Variants in NUF2 observed in about 807,000 individuals in gnomAD.
The protein encoded by NUF2 is kinetochore protein Nuf2.
NUF2 carries 34 observed loss-of-function variants against 61.8 expected under a neutral mutation model. That is an observed-to-expected ratio of 0.55 (90% CI 0.42 to 0.73). NUF2 has a LOEUF of 0.73. NUF2 is among the 30% of genes least tolerant of loss of function. The pLI is 0.00. For missense variants in NUF2, 445 were observed against 539.1 expected (o/e 0.83, Z 1.73); for synonymous variants, 172 against 181.6 (o/e 0.95, Z 0.42).
intron 1 of NUF2, among the ~76,000 whole-genome samples, chr1:163,323,768 G>A (rs1650319299): frequency 1.3e-5 from 2 of 151,992 alleles, no homozygotes; most frequent in East Asian, 3.9e-4. Context: ...AGGAAAGCTT[G>A]CAATCATGAA....
At chr1:163,326,296 TGA>T in intron 2 of NUF2, 122 bp downstream of exon 2, 3 of 811,714 alleles carry the variant, frequency 3.7e-6, no homozygotes, top group Admixed American at 2.6e-5. Context: ...TCATTTTCAT[TGA>T]GAGAGAATCT....
At chr1:163,347,681 T>C in intron 11 of NUF2, 82 bp from the exon 12 acceptor site, 2 of 983,742 alleles carry the variant, frequency 2.0e-6, no homozygotes, top group East Asian at 2.9e-5. Context: ...TTAATTATAG[T>C]TCATCCTAGA....
Position 163,355,354 on chromosome 1 carries a change from A to G in NUF2, c.1280A>G (p.Lys427Arg), listed in dbSNP as rs778879857. 1 of 1,599,868 alleles carries G rather than the reference A, an allele frequency of 6.3e-7. No homozygotes were observed. The highest frequency in any genetic ancestry group is 8.5e-7 in the Non-Finnish European group (1 of 1,173,486). The change falls in exon 14 of 14, where the codon AAA becomes AGA. Residue 427 changes from lysine (K) to arginine (R), a missense_variant. Coordinates refer to ENST00000271452, the MANE Select transcript of NUF2 (RefSeq NM_145697.3). ...LKSQEIFLNL[K>R]TALEKYHDGI... ...ACTTAGGAAATATTTCTAAACTTGA[A>G]AACTGCTTTGGAGAAATACCACGAC...
At chr1:163,346,330 A>C (rs1234849164) in intron 11 of NUF2, 1 of 152,194 alleles carries the variant, frequency 6.6e-6, no homozygotes, top group Non-Finnish European at 1.5e-5. Flanking sequence ...TATTGTACTA[A>C]AATCAATAAG....
At chr1:163,323,516 C>T (rs1303600717) in intron 1 of NUF2, among the ~76,000 whole-genome samples, 1 of 152,074 alleles carries the variant, frequency 6.6e-6, no homozygotes, top group African/African-American at 2.4e-5. Context: ...CCCAGAAGTT[C>T]AAGACCAGAC....
chr1:163,328,724 T>A, intron 4 of NUF2, 122 bp from the exon 5 acceptor site: 1 of 650,138 alleles, frequency 1.5e-6, no homozygotes, highest in Non-Finnish European at 2.7e-6. Flanking sequence ...TCTGGCTTCG[T>A]CCACTGACCT....
Position 163,345,660 on chromosome 1 carries a change from G to C in NUF2, c.808-18G>C. 1 of 1,600,030 alleles carries C rather than the reference G, an allele frequency of 6.2e-7. No homozygotes were observed. Among genetic ancestry groups the C allele is most frequent in the African/African-American group, 1.3e-5 (1 of 74,096 alleles). On this transcript the variant is annotated intron_variant, in intron 10 of 13. Transcript: ENST00000271452. ...AGAAGAATATCAAACTGTGGTCTCT[G>C]TTTTTTGTCTTTCAAAGCAAGAAGT...
At chr1:163,334,595 G>T (rs1240416310) in intron 5 of NUF2, among the ~76,000 whole-genome samples, 2 of 152,080 alleles carry the variant, frequency 1.3e-5, no homozygotes, top group Non-Finnish European at 2.9e-5. Flanking sequence ...GGGCAATATA[G>T]CAAGATCCTT....
At position 163,343,851 on chromosome 1, in the gene NUF2, A is replaced by G. The variant is rs765023496; in HGVS notation, c.788A>G (p.Gln263Arg). 7.0e-7 allele frequency: 1 copy of G among 1,423,792 alleles called. No homozygotes were observed. The highest frequency in any genetic ancestry group is 9.2e-7 in the Non-Finnish European group (1 of 1,083,170). 88.2% of individuals were successfully genotyped at this position (1,423,792 alleles called of 1,614,324 possible). A position where few individuals can be genotyped will look rare whatever the true frequency, so the allele number is the denominator to read the frequency against. Residue 263 changes from glutamine (Q) to arginine (R), a missense_variant, in exon 10 of 14, where the codon CAG (glutamine) becomes CGG (arginine). Gln to Arg is a conservative substitution (Grantham distance 43). Coordinates refer to ENST00000271452, the MANE Select transcript of NUF2 (RefSeq NM_145697.3). The part of the protein sequence containing the change: ...NYKEKMKDTV[Q>R]KLKNARQEVV... Reference sequence around the variant, plus strand: ...AAAGAAAAAATGAAAGATACGGTCCAGAAGCTTAAAAATGCCAGAGTGAGT... The same window carrying G: ...AAAGAAAAAATGAAAGATACGGTCCGGAAGCTTAAAAATGCCAGAGTGAGT...
chr1:163,328,846 G>C lies in NUF2; in HGVS notation c.276G>C (p.Leu92=). 6.3e-7 allele frequency: 1 copy of C among 1,591,488 alleles called. No homozygotes were observed. Among genetic ancestry groups the C allele is most frequent in the Admixed American group, 1.7e-5 (1 of 59,640 alleles). ...AGTCTTTTTGTACTTCATCTTCAAG[G>C]GACTCATTTTTGCCTATCTGCCGGG... The part of the protein sequence containing the change: ...FLPFSNLVTH[L]DSFLPICRVN... Residue 92 remains leucine (L), a splice_region_variant and synonymous_variant, in exon 5 of 14, where the codon CTG becomes CTC. Coordinates refer to ENST00000271452, the MANE Select transcript of NUF2 (RefSeq NM_145697.3).
Position 163,355,708 on chromosome 1 carries a change from T to C in NUF2, c.*239T>C, listed in dbSNP as rs562731604. 1.7e-3 allele frequency: 446 copies of C among 260,728 alleles called. 1 individual carries two copies. Among genetic ancestry groups the C allele is most frequent in the Non-Finnish European group, 2.8e-3 (380 of 137,616 alleles). The allele number at this position is 260,728 out of a possible 1,614,324, so 16.2% of individuals were successfully genotyped here. A position where few individuals can be genotyped will look rare whatever the true frequency, so the allele number is the denominator to read the frequency against. On this transcript the variant is annotated 3_prime_UTR_variant, in exon 14 of 14. Transcript: ENST00000271452. ...ACTCTGCCCCTTGTTGTAAATAGTT[T>C]GAGTAAAACAAAACTAGTTACCTTT...
chr1:163,341,453 C>T (rs1400489857), intron 9 of NUF2, among the ~76,000 whole-genome samples: 1 of 152,082 alleles, frequency 6.6e-6, no homozygotes, highest in Non-Finnish European at 1.5e-5. Flanking sequence ...CGTGATCCAC[C>T]CGCCTTGGCC....
intron 7 of NUF2, among the ~76,000 whole-genome samples, chr1:163,338,466 A>G (rs2999851): frequency 0.9 from 136,059 of 151,982 alleles, 61,638 homozygotes; most frequent in East Asian, 0.98. Context: ...TCCTACAACA[A>G]AGTTTTCATT....
intron 5 of NUF2, 51 bp downstream of exon 5, chr1:163,328,958 C>A: frequency 6.1e-5 from 54 of 880,994 alleles, no homozygotes; most frequent in Middle Eastern, 2.4e-4. Flanking sequence ...TCTACCATTT[C>A]ACCTTTCCAT....
At chr1:163,325,623 G>C (rs1650392009) in intron 1 of NUF2, among the ~76,000 whole-genome samples, 1 of 151,948 alleles carries the variant, frequency 6.6e-6, no homozygotes, top group African/African-American at 2.4e-5. Flanking sequence ...CTATATTACT[G>C]TTGTTTATAT....
At chr1:163,330,360 A>G (rs1650553822) in intron 5 of NUF2, among the ~76,000 whole-genome samples, 1 of 152,194 alleles carries the variant, frequency 6.6e-6, no homozygotes, top group Non-Finnish European at 1.5e-5. Context: ...TTCAAAAAGG[A>G]AGTCTATTAA....
In NUF2 at chr1:163,325,387, C is replaced by T. The variant is rs143134502; in HGVS notation, c.-20-645C>T. Among the ~76,000 whole-genome samples, 378 of 152,256 alleles carry T rather than the reference C, an allele frequency of 2.5e-3. 1 individual carries two copies. Among genetic ancestry groups the T allele is most frequent in the African/African-American group, 8.8e-3 (367 of 41,548 alleles). On this transcript the variant is annotated intron_variant, in intron 1 of 13. Transcript: ENST00000271452. ...TGGTGATAAAGTTAGAGAACTACTA[C>T]GCTAGGGGGACACAGGTAGGAATAA...
chr1:163,355,198 T>G (rs1461967827), intron 13 of NUF2, 137 bp from the exon 14 acceptor site: 7 of 618,456 alleles, frequency 1.1e-5, no homozygotes, highest in Non-Finnish European at 1.9e-5. Flanking sequence ...GACATAGACA[T>G]GCACATTTGT....
chr1:163,328,847 G>T lies in NUF2; in HGVS notation c.277G>T (p.Asp93Tyr). The change falls in exon 5 of 14, where the codon GAC becomes TAC. Residue 93 changes from aspartate to tyrosine, a missense_variant and splice_region_variant. Coordinates refer to ENST00000271452, the MANE Select transcript of NUF2 (RefSeq NM_145697.3). The stretch of plus-strand genomic sequence containing the variant: ...GTCTTTTTGTACTTCATCTTCAAGG[G>T]ACTCATTTTTGCCTATCTGCCGGGT... ...LPFSNLVTHLDSFLPICRVND... is the reference protein window; with the variant it reads ...LPFSNLVTHLYSFLPICRVND... 6.3e-6 allele frequency: 10 copies of T among 1,593,060 alleles called. No homozygotes were observed. Among genetic ancestry groups the T allele is most frequent in the Non-Finnish European group, 8.6e-6 (10 of 1,161,764 alleles).
Sources: gnomAD v4.1 joint callset for allele counts (sites outside exome capture counted in the v4.1 genomes callset) on GRCh38, gnomAD v4.1.1 for gene constraint, MANE v1.5 for transcripts, NCBI Gene and HGNC (gene_info 2026-07-23, HGNC 2026-07-21) for gene names.